Variants in B3GALT1 observed in about 807,000 individuals in gnomAD.
The protein encoded by B3GALT1 is UDP-Gal:betaGlcNAc beta 1,3-galactosyltransferase, polypeptide 1.
B3GALT1 carries 10 observed loss-of-function variants against 23.2 expected under a neutral mutation model. That is an observed-to-expected ratio of 0.43 (90% confidence interval 0.27 to 0.73). B3GALT1 has a LOEUF of 0.73. B3GALT1 is among the 30% of genes least tolerant of loss of function. The pLI, the probability that B3GALT1 is intolerant of heterozygous loss-of-function variation, is 0.21. For synonymous variants in B3GALT1, 156 were observed against 141.5 expected, an observed-to-expected ratio of 1.10 and a Z score of -0.73; for missense variants, 299 against 405.4, an observed-to-expected ratio of 0.74 and a Z score of 2.25.
chr2:167,810,161 G>A (rs549952778), intron 3 of B3GALT1, among the ~76,000 whole-genome samples: 25 of 150,974 alleles, frequency 1.7e-4, no homozygotes, highest in Non-Finnish European at 2.4e-4. Flanking sequence ...GGAGTGACCC[G>A]ATTTTCCAGG....
At chr2:167,596,187 G>A (rs1479911574) in intron 2 of B3GALT1, among the ~76,000 whole-genome samples, 5 of 152,192 alleles carry the variant, frequency 3.3e-5, no homozygotes, top group Non-Finnish European at 7.3e-5. Context: ...GCTTTTGAGA[G>A]AAATAGAATG....
At chr2:167,388,594 A>G (rs1339121917) in intron 1 of B3GALT1, among the ~76,000 whole-genome samples, 4 of 152,192 alleles carry the variant, frequency 2.6e-5, no homozygotes. Flanking sequence ...CCAGTGCTTA[A>G]TAGCAAGGAA....
chr2:167,651,438 T>G (rs1418698729), intron 3 of B3GALT1, among the ~76,000 whole-genome samples: 1 of 152,202 alleles, frequency 6.6e-6, no homozygotes, highest in Non-Finnish European at 1.5e-5. Flanking sequence ...TATATATTCA[T>G]TACCTCTTAT....
intron 1 of B3GALT1, among the ~76,000 whole-genome samples, chr2:167,305,971 T>C (rs961796716): frequency 1.4e-4 from 22 of 152,246 alleles, no homozygotes; most frequent in African/African-American, 5.1e-4. Context: ...TGCTTTCAGA[T>C]ACTCTTTGGT....
chr2:167,339,803 C>T (rs1437579711), intron 1 of B3GALT1, among the ~76,000 whole-genome samples: 1 of 152,042 alleles, frequency 6.6e-6, no homozygotes, highest in African/African-American at 2.4e-5. Flanking sequence ...AAATAGCAAG[C>T]AGAACTTTTC....
At chr2:167,495,601 G>A (rs916112269) in intron 2 of B3GALT1, among the ~76,000 whole-genome samples, 7 of 151,984 alleles carry the variant, frequency 4.6e-5, no homozygotes, top group African/African-American at 7.2e-5. Flanking sequence ...CCAAAGTGCT[G>A]GGATTACAGG....
At chr2:167,654,686 G>A (rs1415119727) in intron 3 of B3GALT1, among the ~76,000 whole-genome samples, 1 of 151,858 alleles carries the variant, frequency 6.6e-6, no homozygotes, top group East Asian at 1.9e-4. Flanking sequence ...TGTAGAGACA[G>A]GATCTTGCTT....
intron 1 of B3GALT1, among the ~76,000 whole-genome samples, chr2:167,331,986 G>T (rs747371909): frequency 6.6e-6 from 1 of 152,192 alleles, no homozygotes; most frequent in Non-Finnish European, 1.5e-5. Context: ...TGGTTGCAGG[G>T]CAGGATGCAG....
At chr2:167,386,958 C>A (rs73021728) in intron 1 of B3GALT1, among the ~76,000 whole-genome samples, 1 of 152,128 alleles carries the variant, frequency 6.6e-6, no homozygotes, top group East Asian at 1.9e-4. Flanking sequence ...TGAGTGACTC[C>A]TTGGTTGCTT....
intron 1 of B3GALT1, among the ~76,000 whole-genome samples, chr2:167,461,152 T>C (rs2105325551): frequency 6.6e-6 from 1 of 152,312 alleles, no homozygotes; most frequent in East Asian, 1.9e-4. Flanking sequence ...CACAGATTCC[T>C]GATATTTGGA....
At chr2:167,774,481 T>G (rs10208016) in intron 3 of B3GALT1, among the ~76,000 whole-genome samples, 52,812 of 109,826 alleles carry the variant, frequency 0.48, 11,931 homozygotes, top group African/African-American at 0.66. Flanking sequence ...GGTTTTTTTT[T>G]TTTGTTTTTT....
At chr2:167,565,204 A>T (rs1205551900) in intron 2 of B3GALT1, among the ~76,000 whole-genome samples, 5 of 152,192 alleles carry the variant, frequency 3.3e-5, no homozygotes, top group East Asian at 3.9e-4. Flanking sequence ...ATAATGCTGC[A>T]TATCTACAAC....
chr2:167,433,834 G>A (rs1698739110), intron 1 of B3GALT1, among the ~76,000 whole-genome samples: 1 of 152,174 alleles, frequency 6.6e-6, no homozygotes, highest in Non-Finnish European at 1.5e-5. Context: ...GCTGAGGTGG[G>A]AAGAGATTGC....
rs981374990 is a variant in B3GALT1, at chr2:167,873,554, G to A, written c.*3534G>A. 42 of 152,168 alleles carry A rather than the reference G, an allele frequency of 2.8e-4. No homozygotes were observed. The highest frequency in any genetic ancestry group is 8.9e-4 in the African/African-American group (37 of 41,430). The allele number at this position is 152,168 out of a possible 1,614,324, so 9.4% of individuals were successfully genotyped here. On this transcript the variant is annotated 3_prime_UTR_variant, in exon 5 of 5. Transcript: ENST00000392690. ...ATTTTTTACCTTTCCTAATATGTGG[G>A]TTTAGTGGGAGAATTGATTATGTCA...
Position 167,475,574 on chromosome 2 carries a change from T to A in B3GALT1, c.-510-14603T>A, listed in dbSNP as rs564098378. On this transcript the variant is annotated intron_variant, in intron 1 of 4. Coordinates refer to ENST00000392690, the MANE Select transcript of B3GALT1 (RefSeq NM_020981.4). The stretch of plus-strand genomic sequence containing the variant: ...GCTAGTTTTGCTGTCGAACTTCAAC[T>A]ACAAAAGATACAGCCACAGTGCCTG... Among the ~76,000 whole-genome samples, 9 of 152,184 alleles carry A rather than the reference T, an allele frequency of 5.9e-5. No individual in the cohort carries two copies. The South Asian group carries it at 1.9e-3, about 32-fold the overall frequency.
chr2:167,860,081 G>T (rs1031146562), intron 4 of B3GALT1, among the ~76,000 whole-genome samples: 1 of 152,164 alleles, frequency 6.6e-6, no homozygotes, highest in Non-Finnish European at 1.5e-5. Context: ...GGGAGGAGTT[G>T]GGTATCAAAA....
intron 3 of B3GALT1, among the ~76,000 whole-genome samples, chr2:167,805,665 C>G (rs1688737640): frequency 1.3e-5 from 2 of 152,154 alleles, no homozygotes; most frequent in Non-Finnish European, 2.9e-5. Flanking sequence ...TCTGAGGGCT[C>G]TGTTCTGTTC....
rs78253616 is a variant in B3GALT1 at position 167,457,795 on chromosome 2, C to T, written c.-510-32382C>T. ...AGCATGGTCCGTGAACCAGCAGCAC[C>T]GGCAGCACCTGAGAATTTATTAGAA... On this transcript the variant is annotated intron_variant, in intron 1 of 4. Coordinates refer to ENST00000392690, the MANE Select transcript of B3GALT1 (RefSeq NM_020981.4). Among the ~76,000 whole-genome samples the T allele has an allele frequency of 6.0e-3, 907 of 152,092 alleles. 8 individuals are homozygous for T. Among genetic ancestry groups the T allele is most frequent in the African/African-American group, 0.02 (815 of 41,496 alleles).
At chr2:167,665,914 C>G (rs1346698531) in intron 3 of B3GALT1, among the ~76,000 whole-genome samples, 2 of 152,056 alleles carry the variant, frequency 1.3e-5, no homozygotes, top group Non-Finnish European at 2.9e-5. Context: ...AGAAAACCAG[C>G]TCCTGGATTC....
Sources: allele counts gnomAD v4.1 joint callset (sites outside exome capture counted in the v4.1 genomes callset), GRCh38; gene constraint gnomAD v4.1.1; transcripts MANE v1.5; gene names NCBI Gene and HGNC (gene_info 2026-07-23, HGNC 2026-07-21).